The following NR3C2 variants were observed in gnomAD, a reference collection of about 807,000 sequenced individuals.
NR3C2 encodes mineralocorticoid receptor.
In NR3C2, 15 loss-of-function variants were observed where a neutral mutation model predicts 86.4. The ratio of observed to expected loss-of-function variants is 0.17; its 90% CI spans 0.12 to 0.27. The LOEUF (loss-of-function observed/expected upper bound fraction) is 0.27, where lower values mean the gene tolerates loss of function less well. NR3C2 is among the 10% of genes least tolerant of loss of function. NR3C2 has a pLI of 1.00. For synonymous variants in NR3C2, 458 were observed against 450.5 expected, an observed-to-expected ratio of 1.02 and a Z score of -0.21; for missense variants, 960 against 1,195.6, an observed-to-expected ratio of 0.80 and a Z score of 2.91.
rs72655213 is a variant in NR3C2, at chr4:148,249,069, C to T, written c.1897+10909G>A. 9.0e-3 allele frequency among the ~76,000 whole-genome samples: 1,376 copies of T among 152,210 alleles called. 22 individuals carry two copies. The highest frequency in any genetic ancestry group is 0.031 in the African/African-American group (1,304 of 41,536). On this transcript the variant is annotated intron_variant, in intron 3 of 8. Transcript: ENST00000358102. ...TATATAAAAATGATATTGGAACCTA[C>T]AATGGTGCCGCCTTTATTATACACC...
At chr4:148,407,621 T>C (rs1411607576) in intron 2 of NR3C2, among the ~76,000 whole-genome samples, 1 of 152,140 alleles carries the variant, frequency 6.6e-6, no homozygotes, top group Non-Finnish European at 1.5e-5. Context: ...AGTTCTAGAA[T>C]ATCATTTGCA....
At chr4:148,421,214 C>T (rs968982338) in intron 2 of NR3C2, among the ~76,000 whole-genome samples, 4 of 152,132 alleles carry the variant, frequency 2.6e-5, no homozygotes, top group African/African-American at 9.7e-5. Context: ...TTGCCATATT[C>T]ACCATTAAGT....
At chr4:148,209,659 G>A (rs1445943732) in intron 3 of NR3C2, among the ~76,000 whole-genome samples, 1 of 152,112 alleles carries the variant, frequency 6.6e-6, no homozygotes, top group Admixed American at 6.5e-5. Context: ...TCGTAAAAGA[G>A]AAAGACTCAT....
chr4:148,082,467 G>A (rs145329247), intron 8 of NR3C2, among the ~76,000 whole-genome samples: 5,990 of 152,134 alleles, frequency 0.039, 170 homozygotes, highest in Middle Eastern at 0.061. Flanking sequence ...AAGGGGTTGG[G>A]GAACTCCCTC....
intron 2 of NR3C2, among the ~76,000 whole-genome samples, chr4:148,312,543 T>C (rs987140918): frequency 6.6e-6 from 1 of 152,188 alleles, no homozygotes. Context: ...TAGTACAGTA[T>C]CTGGCACATA....
At chr4:148,345,874 T>A (rs1744964558) in intron 2 of NR3C2, among the ~76,000 whole-genome samples, 1 of 152,076 alleles carries the variant, frequency 6.6e-6, no homozygotes, top group African/African-American at 2.4e-5. Flanking sequence ...TTCTCAGAGG[T>A]TATAGCCCAG....
chr4:148,354,728 A>C (rs1224435192), intron 2 of NR3C2, among the ~76,000 whole-genome samples: 2 of 152,166 alleles, frequency 1.3e-5, no homozygotes, highest in African/African-American at 4.8e-5. Flanking sequence ...ATTCGTATAT[A>C]AAGTATCTCC....
intron 8 of NR3C2, among the ~76,000 whole-genome samples, chr4:148,106,496 A>C (rs1005131756): frequency 4.6e-5 from 7 of 152,220 alleles, no homozygotes; most frequent in African/African-American, 1.7e-4. Context: ...CTGTCTTTGC[A>C]GAATTAGAAA....
chr4:148,165,927 A>G (rs575754779), intron 4 of NR3C2, among the ~76,000 whole-genome samples: 2 of 152,376 alleles, frequency 1.3e-5, no homozygotes, highest in East Asian at 1.9e-4. Flanking sequence ...TAGTAAGTAC[A>G]TATTAATGAG....
intron 6 of NR3C2, among the ~76,000 whole-genome samples, chr4:148,151,320 A>G (rs1305320740): frequency 2.0e-5 from 3 of 152,232 alleles, no homozygotes; most frequent in Non-Finnish European, 4.4e-5. Flanking sequence ...TTTATAGAAC[A>G]TATTTTAAAA....
intron 3 of NR3C2, among the ~76,000 whole-genome samples, chr4:148,252,446 T>G (rs1739624640): frequency 6.6e-6 from 1 of 152,180 alleles, no homozygotes; most frequent in Non-Finnish European, 1.5e-5. Flanking sequence ...GCTATTCTTA[T>G]AGGACCAGGT....
intron 2 of NR3C2, among the ~76,000 whole-genome samples, chr4:148,334,318 G>A (rs900613251): frequency 6.6e-6 from 1 of 152,188 alleles, no homozygotes; most frequent in South Asian, 2.1e-4. Context: ...CTAGGTGGGT[G>A]GATCACCTGA....
At chr4:148,184,189 G>A (rs1387456265) in intron 4 of NR3C2, among the ~76,000 whole-genome samples, 1 of 151,934 alleles carries the variant, frequency 6.6e-6, no homozygotes, top group Non-Finnish European at 1.5e-5. Context: ...GGTAGCTCAC[G>A]CCTGTAATCC....
At chr4:148,128,031 T>C (rs1732832111) in intron 6 of NR3C2, among the ~76,000 whole-genome samples, 2 of 152,166 alleles carry the variant, frequency 1.3e-5, no homozygotes, top group Non-Finnish European at 2.9e-5. Context: ...TGGAGAGAAT[T>C]TGGGGTTAGA....
At chr4:148,369,559 A>C (rs1277369167) in intron 2 of NR3C2, among the ~76,000 whole-genome samples, 1 of 152,210 alleles carries the variant, frequency 6.6e-6, no homozygotes, top group Admixed American at 6.5e-5. Context: ...GAGATCTGAA[A>C]AGTGATACTT....
chr4:148,119,009 C>T (rs17483391), intron 7 of NR3C2, among the ~76,000 whole-genome samples: 19,597 of 152,072 alleles, frequency 0.13, 1,382 homozygotes, highest in African/African-American at 0.15. Flanking sequence ...GAATCTATTC[C>T]GCCAGAGAGA....
intron 2 of NR3C2, among the ~76,000 whole-genome samples, chr4:148,303,263 T>C (rs929506335): frequency 3.9e-5 from 6 of 152,220 alleles, no homozygotes; most frequent in African/African-American, 1.4e-4. Flanking sequence ...CCCTGCTTAT[T>C]CCTGTGAACC....
At chr4:148,177,571 A>G (rs756038449) in intron 4 of NR3C2, among the ~76,000 whole-genome samples, 1 of 152,246 alleles carries the variant, frequency 6.6e-6, no homozygotes, top group Non-Finnish European at 1.5e-5. Flanking sequence ...TGCAAATAAA[A>G]AAACATTAAG....
chr4:148,198,300 G>T (rs1736534687), intron 3 of NR3C2, among the ~76,000 whole-genome samples: 1 of 152,062 alleles, frequency 6.6e-6, no homozygotes, highest in Admixed American at 6.6e-5. Flanking sequence ...AAAAGTTACT[G>T]CATTCAATAA....
Sources: allele counts gnomAD v4.1 joint callset (sites outside exome capture counted in the v4.1 genomes callset), GRCh38; gene constraint gnomAD v4.1.1; transcripts MANE v1.5; gene names NCBI Gene and HGNC (gene_info 2026-07-23, HGNC 2026-07-21).